GPR139: variants seen among roughly 807,000 people sequenced by gnomAD.
The protein encoded by GPR139 is G protein-coupled receptor 139, also known as probable G protein-coupled receptor 139.
Under a neutral mutation model 25.8 loss-of-function variants are expected in GPR139, and 12 were observed. The ratio of observed to expected loss-of-function variants is 0.47; its 90% CI spans 0.30 to 0.75. The LOEUF is 0.75. Among genes scored for constraint, GPR139 ranks in the 30% least tolerant of loss-of-function variants. The pLI is 0.07. For synonymous variants in GPR139, 184 were observed against 179.9 expected (o/e 1.02, Z -0.18); for missense variants, 380 against 450.2 (o/e 0.84, Z 1.41).
intron 1 of GPR139, among the ~76,000 whole-genome samples, chr16:20,044,901 C>T (rs551109164): frequency 6.6e-6 from 1 of 152,170 alleles, no homozygotes; most frequent in African/African-American, 2.4e-5. Flanking sequence ...CACTCTCCAA[C>T]ACCTGAGCAA....
At chr16:20,034,563 A>G (rs760395914) in intron 1 of GPR139, among the ~76,000 whole-genome samples, 9 of 151,932 alleles carry the variant, frequency 5.9e-5, no homozygotes, top group Non-Finnish European at 1.2e-4. Context: ...CGGTCTTGCT[A>G]TGTTGCCCAG....
At chr16:20,051,299 C>A (rs1243106550) in intron 1 of GPR139, among the ~76,000 whole-genome samples, 1 of 152,108 alleles carries the variant, frequency 6.6e-6, no homozygotes, top group Non-Finnish European at 1.5e-5. Context: ...CAATGCACAC[C>A]CTCCTCCGCG....
chr16:20,031,791 T>G lies in GPR139; in HGVS notation c.1006A>C (p.Lys336Gln). The change falls in exon 2 of 2, where the codon AAG becomes CAG. Residue 336 changes from lysine to glutamine, a missense_variant. Lys to Gln is a moderately conservative substitution (Grantham distance 53). Transcript: ENST00000570682. ...TTGTCATACTGGTACACCAGCATCT[T>G]GATGCAGTGTGAGTTTGCCGGCGAG... Reference protein sequence around the residue: ...WISPANSHCIKMLVYQYDKNG... With the variant: ...WISPANSHCIQMLVYQYDKNG... 1.2e-6 allele frequency: 2 copies of G among 1,614,216 alleles called. No homozygotes were observed. The highest frequency in any genetic ancestry group is 1.7e-6 in the Non-Finnish European group (2 of 1,180,024).
Position 20,029,489 on chromosome 16 carries a change from AT to A in GPR139, c.*2245del, listed in dbSNP as rs1297498947. 1.2e-3 allele frequency among the ~76,000 whole-genome samples: 176 copies of A among 145,062 alleles called. 3 individuals are homozygous for A. Among genetic ancestry groups the A allele is most frequent in the Non-Finnish European group, 1.4e-3 (95 of 67,454 alleles). ...GTTTAAAAAATAAATAAATAAATAT[AT>A]ATATATATATATATTCAGTATAGGT... On this transcript the variant is annotated 3_prime_UTR_variant, in exon 2 of 2. Coordinates refer to ENST00000570682, the MANE Select transcript of GPR139 (RefSeq NM_001002911.4).
At chr16:20,033,261 C>A (rs1284764540) in intron 1 of GPR139, among the ~76,000 whole-genome samples, 2 of 151,714 alleles carry the variant, frequency 1.3e-5, no homozygotes, top group African/African-American at 4.8e-5. Context: ...CCTCACACAA[C>A]CGTGAGAGGC....
intron 1 of GPR139, among the ~76,000 whole-genome samples, chr16:20,033,244 C>T (rs1004466958): frequency 6.6e-6 from 1 of 151,484 alleles, no homozygotes; most frequent in Non-Finnish European, 1.5e-5. Context: ...GGTGGTGCCG[C>T]CATTCTCCTC....
At chr16:20,053,984 A>C (rs370817951) in intron 1 of GPR139, among the ~76,000 whole-genome samples, 3 of 152,176 alleles carry the variant, frequency 2.0e-5, no homozygotes, top group Admixed American at 2.0e-4. Context: ...AAAATTATTC[A>C]TCAAACTACC....
intron 1 of GPR139, among the ~76,000 whole-genome samples, chr16:20,043,290 C>A (rs561420865): frequency 6.6e-6 from 1 of 152,156 alleles, no homozygotes; most frequent in African/African-American, 2.4e-5. Flanking sequence ...AACTGCCAGA[C>A]CTCAATCACG....
intron 1 of GPR139, among the ~76,000 whole-genome samples, chr16:20,059,945 G>A (rs1195996261): frequency 6.6e-6 from 1 of 152,186 alleles, no homozygotes; most frequent in East Asian, 1.9e-4. Flanking sequence ...GGTCGTGGGT[G>A]CAGAGGGAGG....
At chr16:20,042,040 G>T (rs1472012365) in intron 1 of GPR139, among the ~76,000 whole-genome samples, 2 of 152,138 alleles carry the variant, frequency 1.3e-5, no homozygotes, top group African/African-American at 4.8e-5. Context: ...ACGCTGTCTG[G>T]AGGCAGCCAG....
chr16:20,045,013 T>C lies in GPR139; in HGVS notation c.128-12344A>G, dbSNP rs1004378355. Among the ~76,000 whole-genome samples the C allele has an allele frequency of 7.3e-5, 11 of 150,312 alleles. No homozygotes were observed. The East Asian group carries it at 2.1e-3, about 29-fold the overall frequency. On this transcript the variant is annotated intron_variant, in intron 1 of 1. Transcript: ENST00000570682. ...TGCACTATTTTTTTTTTTTTTTTTTTTTTTTAGACTGAGTCTTGCTCTGTC... is the reference window on the plus strand; with the variant it reads ...TGCACTATTTTTTTTTTTTTTTTTTCTTTTTAGACTGAGTCTTGCTCTGTC...
At chr16:20,042,492 C>T (rs1283594401) in intron 1 of GPR139, among the ~76,000 whole-genome samples, 2 of 152,126 alleles carry the variant, frequency 1.3e-5, no homozygotes, top group African/African-American at 4.8e-5. Flanking sequence ...CAGCTGCATT[C>T]CAAACCTTAC....
At chr16:20,061,802 A>C (rs2057415312) in intron 1 of GPR139, among the ~76,000 whole-genome samples, 1 of 152,246 alleles carries the variant, frequency 6.6e-6, no homozygotes, top group Non-Finnish European at 1.5e-5. Context: ...GTGGAGGCTG[A>C]TCACTTGCTT....
chr16:20,053,841 TC>T (rs2057380458), intron 1 of GPR139, among the ~76,000 whole-genome samples: 1 of 137,794 alleles, frequency 7.3e-6, no homozygotes, highest in Non-Finnish European at 1.6e-5. Context: ...TTTTTTTTTT[TC>T]AGATGAATAG....
At chr16:20,065,067 C>T (rs2057426445) in intron 1 of GPR139, among the ~76,000 whole-genome samples, 1 of 151,586 alleles carries the variant, frequency 6.6e-6, no homozygotes, top group Non-Finnish European at 1.5e-5. Flanking sequence ...TTTTTTTCTC[C>T]ACTTGCTGTG....
At chr16:20,062,159 T>C (rs142027412) in intron 1 of GPR139, among the ~76,000 whole-genome samples, 1 of 152,350 alleles carries the variant, frequency 6.6e-6, no homozygotes, top group East Asian at 1.9e-4. Context: ...CCCCAGACTT[T>C]AGTGACTGTC....
chr16:20,035,354 G>C (rs1394776292), intron 1 of GPR139, among the ~76,000 whole-genome samples: 9 of 152,190 alleles, frequency 5.9e-5, no homozygotes, highest in African/African-American at 2.2e-4. Flanking sequence ...ATGCTATACT[G>C]CACACAATGT....
At position 20,032,363 on chromosome 16, in the gene GPR139, G is replaced by C. The variant is rs1177481050; in HGVS notation, c.434C>G (p.Thr145Ser). 1.9e-6 allele frequency: 3 copies of C among 1,614,086 alleles called. No homozygotes were observed. Among genetic ancestry groups the C allele is most frequent in the Middle Eastern group, 1.6e-4 (1 of 6,084 alleles). The stretch of plus-strand genomic sequence containing the variant: ...GTAAACACTTACAATGACTTTCCGG[G>C]TGCGGGCTGGGTATGAGACCGTGTG... ...KYHTVSYPAR[T>S]RKVIVSVYIT... Residue 145 changes from threonine to serine, a missense_variant, in exon 2 of 2, where the codon ACC becomes AGC. Coordinates refer to ENST00000570682, the MANE Select transcript of GPR139 (RefSeq NM_001002911.4).
intron 1 of GPR139, among the ~76,000 whole-genome samples, chr16:20,037,839 G>C (rs2141202182): frequency 6.6e-6 from 1 of 152,216 alleles, no homozygotes; most frequent in Admixed American, 6.5e-5. Context: ...ACTTAGAAAA[G>C]TGCCATATTT....
Sources: gnomAD v4.1 joint callset for allele counts (sites outside exome capture counted in the v4.1 genomes callset) on GRCh38, gnomAD v4.1.1 for gene constraint, MANE v1.5 for transcripts, NCBI Gene and HGNC (gene_info 2026-07-23, HGNC 2026-07-21) for gene names.